The following LAMA2 variants were observed in gnomAD, a reference collection of about 807,000 sequenced individuals.
LAMA2 encodes the protein laminin subunit alpha 2.
LAMA2 carries 269 observed loss-of-function variants against 364.8 expected under a neutral mutation model. The ratio of observed to expected loss-of-function variants is 0.74; its 90% CI spans 0.67 to 0.82. The LOEUF (loss-of-function observed/expected upper bound fraction) is 0.82, where lower values mean the gene tolerates loss of function less well. Ranked by LOEUF, LAMA2 falls within the 40% of genes least tolerant of loss-of-function variation. The pLI is 0.00. For synonymous variants in LAMA2, 1,379 were observed against 1,370.6 expected (o/e 1.01, Z -0.14); for missense variants, 3,807 against 3,873.2 (o/e 0.98, Z 0.45).
intron 1 of LAMA2, among the ~76,000 whole-genome samples, chr6:129,020,196 G>C (rs1785356061): frequency 1.3e-5 from 2 of 151,708 alleles, no homozygotes; most frequent in South Asian, 4.2e-4. Context: ...TTAAATGTAA[G>C]AATGTGCAGA....
At position 129,289,501 on chromosome 6, in the gene LAMA2, C is replaced by A. The variant is rs192784639; in HGVS notation, c.2749+1443C>A. Among the ~76,000 whole-genome samples the A allele has an allele frequency of 3.2e-4, 49 of 152,254 alleles. 2 individuals are homozygous for A. The East Asian group carries it at 9.1e-3, about 28-fold the overall frequency. On this transcript the variant is annotated intron_variant, in intron 19 of 64. Coordinates refer to ENST00000421865, the MANE Select transcript of LAMA2 (RefSeq NM_000426.4). ...CAGTGCTCATAGTAGCTGTGCATAT[C>A]AGTTGTTCACCAGTGAATTCTAAGG...
intron 1 of LAMA2, among the ~76,000 whole-genome samples, chr6:128,937,568 G>T (rs1297367847): frequency 6.6e-6 from 1 of 151,794 alleles, no homozygotes; most frequent in Non-Finnish European, 1.5e-5. Context: ...CTTCTTGTAG[G>T]TTATTGTATT....
intron 13 of LAMA2, 52 bp from the exon 14 acceptor site, chr6:129,252,032 G>T (rs1283854656): frequency 1.6e-6 from 2 of 1,220,978 alleles, no homozygotes; most frequent in African/African-American, 3.0e-5. Context: ...TGACACTTTT[G>T]TACCCTCTTT....
At chr6:128,995,546 A>C (rs1054902115) in intron 1 of LAMA2, among the ~76,000 whole-genome samples, 4 of 151,232 alleles carry the variant, frequency 2.6e-5, no homozygotes, top group Non-Finnish European at 1.5e-5. Flanking sequence ...CTGGTCTTGA[A>C]CTCCTGACCT....
chr6:129,395,915 G>C (rs772177253), intron 37 of LAMA2, among the ~76,000 whole-genome samples: 1 of 152,178 alleles, frequency 6.6e-6, no homozygotes, highest in Non-Finnish European at 1.5e-5. Flanking sequence ...AAAGAAGACT[G>C]CATGTGAACG....
chr6:129,035,296 CT>C (rs199923294), intron 1 of LAMA2, among the ~76,000 whole-genome samples: 3,136 of 142,194 alleles, frequency 0.022, 114 homozygotes, highest in African/African-American at 0.077. Context: ...CTTTTCTTTT[CT>C]TTTCTTTTTT....
At chr6:128,955,394 T>G (rs543166929) in intron 1 of LAMA2, among the ~76,000 whole-genome samples, 2 of 152,082 alleles carry the variant, frequency 1.3e-5, no homozygotes, top group African/African-American at 4.8e-5. Flanking sequence ...GAACCAGGAT[T>G]TAGGCACTAA....
At chr6:129,515,201 T>C (rs1459518171) in intron 64 of LAMA2, among the ~76,000 whole-genome samples, 2 of 152,182 alleles carry the variant, frequency 1.3e-5, no homozygotes, top group Admixed American at 1.3e-4. Flanking sequence ...TCTTAATAAG[T>C]ACTGTAATAA....
rs567676337 is a variant in LAMA2 at position 129,151,819 on chromosome 6, T to C, written c.1028-2686T>C. ...TCCTCCCTCCCTCCATACGTGGAGATTACAATTTCAAATGAGATTTGGGTG... is the reference window on the plus strand; with the variant it reads ...TCCTCCCTCCCTCCATACGTGGAGACTACAATTTCAAATGAGATTTGGGTG... On this transcript the variant is annotated intron_variant, in intron 7 of 64. Transcript: ENST00000421865. 3.9e-5 allele frequency among the ~76,000 whole-genome samples: 6 copies of C among 152,236 alleles called. No individual in the cohort carries two copies. The South Asian group carries it at 1.0e-3, about 26-fold the overall frequency.
At chr6:128,954,470 T>G (rs1326047898) in intron 1 of LAMA2, among the ~76,000 whole-genome samples, 1 of 152,088 alleles carries the variant, frequency 6.6e-6, no homozygotes, top group Non-Finnish European at 1.5e-5. Flanking sequence ...TTTATAGCTC[T>G]TTAAAAAAAA....
intron 30 of LAMA2, among the ~76,000 whole-genome samples, 168 bp downstream of exon 30, chr6:129,342,635 A>G (rs944677938): frequency 1.3e-5 from 2 of 152,164 alleles, no homozygotes; most frequent in African/African-American, 4.8e-5. Context: ...ATAATGCTCT[A>G]TGGTTCATTT....
intron 1 of LAMA2, among the ~76,000 whole-genome samples, chr6:128,972,120 G>T (rs751738560): frequency 6.6e-6 from 1 of 152,198 alleles, no homozygotes; most frequent in Non-Finnish European, 1.5e-5. Context: ...ATTCATTAAT[G>T]CATATTTGTC....
intron 1 of LAMA2, among the ~76,000 whole-genome samples, chr6:128,988,919 G>A (rs918873507): frequency 2.6e-5 from 4 of 152,050 alleles, no homozygotes; most frequent in Non-Finnish European, 4.4e-5. Flanking sequence ...GGACAGAATC[G>A]CTATTTTATA....
chr6:129,273,379 G>A (rs1244042696), intron 17 of LAMA2, among the ~76,000 whole-genome samples: 1 of 152,150 alleles, frequency 6.6e-6, no homozygotes, highest in Admixed American at 6.6e-5. Flanking sequence ...CTCCTTCTCA[G>A]CCAAGATGTC....
chr6:129,337,656 G>T (rs894288661), intron 29 of LAMA2, among the ~76,000 whole-genome samples: 1 of 151,950 alleles, frequency 6.6e-6, no homozygotes, highest in African/African-American at 2.4e-5. Context: ...CTCACCTTAG[G>T]CCTGAGATAC....
intron 34 of LAMA2, among the ~76,000 whole-genome samples, chr6:129,376,267 A>G (rs897655066): frequency 2.0e-5 from 3 of 152,082 alleles, no homozygotes; most frequent in Non-Finnish European, 2.9e-5. Flanking sequence ...CTTCCTCATG[A>G]TGCTCCTGCT....
At position 129,420,360 on chromosome 6, in the gene LAMA2, T is replaced by C. The variant is rs12111155; in HGVS notation, c.5866-7392T>C. Among the ~76,000 whole-genome samples the C allele has an allele frequency of 8.8e-3, 1,340 of 152,238 alleles. 25 individuals carry two copies. The highest frequency in any genetic ancestry group is 0.03 in the African/African-American group (1,257 of 41,524). ...TCTAAATTTCTTCTGTTACTCACTT[T>C]ACATAAACACATTGCAGCCAGTCAC... On this transcript the variant is annotated intron_variant, in intron 40 of 64. Transcript: ENST00000421865.
At chr6:129,027,496 T>G (rs1785906607) in intron 1 of LAMA2, among the ~76,000 whole-genome samples, 1 of 152,022 alleles carries the variant, frequency 6.6e-6, no homozygotes. Flanking sequence ...TGCTAGACAT[T>G]CTGAAGATTC....
intron 4 of LAMA2, among the ~76,000 whole-genome samples, chr6:129,104,818 G>A (rs1166869265): frequency 6.6e-6 from 1 of 152,110 alleles, no homozygotes; most frequent in Non-Finnish European, 1.5e-5. Flanking sequence ...AAATGTTAGA[G>A]AACTGGGTTC....
Sources: gnomAD v4.1 joint callset for allele counts (sites outside exome capture counted in the v4.1 genomes callset) on GRCh38, gnomAD v4.1.1 for gene constraint, MANE v1.5 for transcripts, NCBI Gene and HGNC (gene_info 2026-07-23, HGNC 2026-07-21) for gene names.